The following SHANK2 variants were observed in gnomAD, a reference collection of about 807,000 sequenced individuals.
SHANK2 encodes SH3 and multiple ankyrin repeat domains protein 2.
SHANK2 carries 43 observed loss-of-function variants against 133.7 expected under a neutral mutation model. That is an observed-to-expected ratio of 0.32 (90% CI 0.25 to 0.41). The LOEUF (loss-of-function observed/expected upper bound fraction) is 0.41. Among genes scored for constraint, SHANK2 ranks in the 10% least tolerant of loss-of-function variants. The pLI, the probability that SHANK2 is intolerant of heterozygous loss-of-function variation, is 1.00. For missense variants in SHANK2, 1,994 were observed against 2,235.8 expected, an observed-to-expected ratio of 0.89 and a Z score of 2.18; for synonymous variants, 1,017 against 952.8, an observed-to-expected ratio of 1.07 and a Z score of -1.24.
intron 11 of SHANK2, among the ~76,000 whole-genome samples, chr11:70,829,324 C>T (rs970264321): frequency 8.5e-5 from 13 of 152,190 alleles, no homozygotes; most frequent in East Asian, 3.9e-4. Flanking sequence ...GGACCCTCAG[C>T]GGCCACCGTC....
intron 14 of SHANK2, among the ~76,000 whole-genome samples, chr11:70,763,043 C>A (rs568501471): frequency 2.0e-5 from 3 of 152,300 alleles, no homozygotes; most frequent in Non-Finnish European, 4.4e-5. Context: ...TCCTAACCAC[C>A]CCCTTTCCCT....
intron 17 of SHANK2, among the ~76,000 whole-genome samples, chr11:70,600,543 T>C (rs1282856653): frequency 6.7e-6 from 1 of 149,122 alleles, no homozygotes; most frequent in East Asian, 2.0e-4. Context: ...AAAAGGTGGG[T>C]GGGTTGGGGG....
intron 17 of SHANK2, among the ~76,000 whole-genome samples, chr11:70,528,882 G>A (rs1001408237): frequency 1.4e-4 from 21 of 152,126 alleles, no homozygotes; most frequent in Non-Finnish European, 2.1e-4. Flanking sequence ...CCCCACACCC[G>A]CCTCTCAGGA....
intron 15 of SHANK2, 149 bp from the exon 16 acceptor site, chr11:70,661,827 G>C: frequency 2.5e-6 from 4 of 1,608,212 alleles, no homozygotes; most frequent in Non-Finnish European, 3.4e-6. Flanking sequence ...GAGGCAGCGA[G>C]GGTGCAGGAG....
chr11:71,060,913 T>G (rs1234081853), intron 9 of SHANK2, among the ~76,000 whole-genome samples: 6 of 152,254 alleles, frequency 3.9e-5, no homozygotes, highest in Non-Finnish European at 7.3e-5. Flanking sequence ...GTTTTTACGC[T>G]GAGATTTCCA....
At chr11:70,598,381 A>G (rs2060430073) in intron 17 of SHANK2, among the ~76,000 whole-genome samples, 1 of 152,228 alleles carries the variant, frequency 6.6e-6, no homozygotes. Context: ...GACACAAGAA[A>G]AAATAAAAAC....
chr11:71,224,546 C>G (rs2919731), intron 2 of SHANK2, among the ~76,000 whole-genome samples, 151 bp downstream of exon 2: 15,172 of 152,212 alleles, frequency 0.1, 2,128 homozygotes, highest in African/African-American at 0.31. Flanking sequence ...CCACCCTCTT[C>G]CCACCCAAAC....
chr11:70,617,494 C>T (rs1565183552), intron 17 of SHANK2, among the ~76,000 whole-genome samples: 3 of 151,816 alleles, frequency 2.0e-5, no homozygotes, highest in Non-Finnish European at 4.4e-5. Context: ...TTTGTCAAAA[C>T]GGGCAGTCAG....
intron 2 of SHANK2, among the ~76,000 whole-genome samples, chr11:71,203,517 T>C (rs1196224198): frequency 6.6e-6 from 1 of 151,998 alleles, no homozygotes; most frequent in Non-Finnish European, 1.5e-5. Context: ...GGACAATTGC[T>C]TGAACTGGGG....
chr11:71,074,525 A>C (rs1266836885), intron 9 of SHANK2, among the ~76,000 whole-genome samples: 1 of 152,144 alleles, frequency 6.6e-6, no homozygotes, highest in African/African-American at 2.4e-5. Context: ...GCTGCAGTCC[A>C]CAATGTGTTG....
At chr11:71,061,971 CTTTTTTTTTTTT>C (rs1216736346) in intron 9 of SHANK2, among the ~76,000 whole-genome samples, 1 of 109,572 alleles carries the variant, frequency 9.1e-6, no homozygotes, top group Non-Finnish European at 1.8e-5. Context: ...GTCTTTCTTT[CTTTTTTTTTTTT>C]TTTTTTTTTT....
intron 17 of SHANK2, among the ~76,000 whole-genome samples, chr11:70,642,463 C>T (rs2061196889): frequency 6.6e-6 from 1 of 152,208 alleles, no homozygotes; most frequent in African/African-American, 2.4e-5. Flanking sequence ...TAGGTCACCC[C>T]ATGTGAACTG....
In SHANK2 at chr11:71,118,931, C is replaced by T; in HGVS notation, c.309G>A (p.Leu103=). The change falls in exon 4 of 26, where the codon CTG becomes CTA. Residue 103 remains leucine (L), a synonymous_variant. Transcript: ENST00000601538. Reference sequence around the variant, plus strand: ...CACGCCCATTGCTGGCCGGCTGGAACAGGCCGTAGTTCAGGACATCTTTCA... The same window carrying T: ...CACGCCCATTGCTGGCCGGCTGGAATAGGCCGTAGTTCAGGACATCTTTCA... ...QSLKDVLNYG[L]FQPASNGRDG... is the part of the protein sequence containing the mutation. 1 of 1,551,760 alleles carries T rather than the reference C, an allele frequency of 6.4e-7. No homozygotes were observed. The highest frequency in any genetic ancestry group is 8.7e-7 in the Non-Finnish European group (1 of 1,147,004).
intron 10 of SHANK2, among the ~76,000 whole-genome samples, chr11:70,916,500 T>C (rs1200096875): frequency 6.6e-6 from 1 of 152,148 alleles, no homozygotes; most frequent in Non-Finnish European, 1.5e-5. Flanking sequence ...TGTATGTGTG[T>C]GCGTGTACAC....
At chr11:70,759,905 C>T (rs1296675027) in intron 14 of SHANK2, among the ~76,000 whole-genome samples, 6 of 152,200 alleles carry the variant, frequency 3.9e-5, no homozygotes, top group African/African-American at 1.4e-4. Flanking sequence ...TGATAAGAAA[C>T]CACTGGCCAA....
At chr11:70,706,635 C>G (rs782240275) in intron 14 of SHANK2, among the ~76,000 whole-genome samples, 27 of 152,062 alleles carry the variant, frequency 1.8e-4, no homozygotes, top group Admixed American at 1.4e-3. Context: ...GCGACTCACC[C>G]CATGTCCCAG....
chr11:70,607,074 C>T (rs782390718), intron 17 of SHANK2, among the ~76,000 whole-genome samples: 13 of 152,274 alleles, frequency 8.5e-5, no homozygotes, highest in Non-Finnish European at 1.5e-4. Context: ...AATCCACACT[C>T]GGATCTGAGG....
intron 17 of SHANK2, among the ~76,000 whole-genome samples, chr11:70,505,851 A>C (rs2059128974): frequency 6.6e-6 from 1 of 151,900 alleles, no homozygotes; most frequent in Non-Finnish European, 1.5e-5. Flanking sequence ...CAGCCTGCTA[A>C]CCATCACGGC....
intron 1 of SHANK2, among the ~76,000 whole-genome samples, chr11:71,231,604 C>T (rs782540916): frequency 6.6e-5 from 10 of 152,166 alleles, no homozygotes; most frequent in African/African-American, 1.2e-4. Context: ...CTTATGTTTA[C>T]GGGCCAGGTG....
Sources: allele counts gnomAD v4.1 joint callset (sites outside exome capture counted in the v4.1 genomes callset), GRCh38; gene constraint gnomAD v4.1.1; transcripts MANE v1.5; gene names NCBI Gene and HGNC (gene_info 2026-07-23, HGNC 2026-07-21).